SBK1: variants seen among roughly 807,000 people sequenced by gnomAD.
The protein encoded by SBK1 is SH3 domain binding kinase 1.
SBK1 carries 11 observed loss-of-function variants against 24.4 expected under a neutral mutation model. The ratio of observed to expected loss-of-function variants is 0.45; its 90% CI spans 0.28 to 0.75. SBK1 has a LOEUF of 0.75. Ranked by LOEUF, SBK1 falls within the 30% of genes least tolerant of loss-of-function variation. The probability of loss-of-function intolerance (pLI) is 0.12; values close to 1 mark genes in which losing one functional copy is unlikely to be tolerated. For missense variants in SBK1, 467 were observed against 620.5 expected, an observed-to-expected ratio of 0.75 and a Z score of 2.63; for synonymous variants, 308 against 284.4, an observed-to-expected ratio of 1.08 and a Z score of -0.83.
At chr16:28,275,018 T>C (rs1033851761) in intron 1 of SBK1, among the ~76,000 whole-genome samples, 3 of 152,094 alleles carry the variant, frequency 2.0e-5, no homozygotes, top group Admixed American at 2.0e-4. Flanking sequence ...AGAGTTGAGA[T>C]GGTTGTCCTT....
intron 1 of SBK1, among the ~76,000 whole-genome samples, chr16:28,309,393 G>A (rs762841443): frequency 1.3e-5 from 2 of 152,168 alleles, no homozygotes; most frequent in Admixed American, 6.5e-5. Context: ...GAGGACACAC[G>A]CGTTGCTGAG....
In SBK1 at chr16:28,319,804, C is replaced by T. The variant is rs2044825094; in HGVS notation, c.430-272C>T. 6.6e-6 allele frequency among the ~76,000 whole-genome samples: 1 copy of T among 152,032 alleles called. No individual in the cohort carries two copies. The highest frequency in any genetic ancestry group is 1.5e-5 in the Non-Finnish European group (1 of 67,980). On this transcript the variant is annotated intron_variant, in intron 3 of 3. Coordinates refer to ENST00000341901, the MANE Select transcript of SBK1 (RefSeq NM_001024401.3). The surrounding 1 kb of genome is among the most constrained non-coding windows in gnomAD (Gnocchi z 4.0). ...CAGCAGGTGGAGGGCGCCGCGGACC[C>T]CCTCATCAACCTCCTGGAGAGCCGC...
At chr16:28,293,799 A>G (rs2044619534) in intron 1 of SBK1, among the ~76,000 whole-genome samples, 1 of 151,898 alleles carries the variant, frequency 6.6e-6, no homozygotes, top group African/African-American at 2.4e-5. Context: ...AGTGCGGGGA[A>G]GGGGTGTGTT....
At chr16:28,270,887 G>A (rs1044266588) in intron 1 of SBK1, among the ~76,000 whole-genome samples, 11 of 148,202 alleles carry the variant, frequency 7.4e-5, no homozygotes, top group Non-Finnish European at 1.0e-4. Context: ...TTTTTGAGAC[G>A]GAGTCTTGCT....
At position 28,322,873 on chromosome 16, in the gene SBK1, T is replaced by C. The variant is rs2044861984; in HGVS notation, c.*1952T>C. 6.8e-6 allele frequency: 1 copy of C among 146,636 alleles called. No homozygotes were observed. The highest frequency in any genetic ancestry group is 2.0e-4 in the East Asian group (1 of 5,056). 9.1% of individuals were successfully genotyped at this position (146,636 alleles called of 1,614,324 possible). On this transcript the variant is annotated 3_prime_UTR_variant, in exon 4 of 4. Coordinates refer to ENST00000341901, the MANE Select transcript of SBK1 (RefSeq NM_001024401.3). ...TCCTGCAATAACTAGGAATCGAGATTCCACAGTAGACGTCCCTTGCCGTGC... is the reference window on the plus strand; with the variant it reads ...TCCTGCAATAACTAGGAATCGAGATCCCACAGTAGACGTCCCTTGCCGTGC...
chr16:28,274,495 CA>C (rs1392330844), intron 1 of SBK1, among the ~76,000 whole-genome samples: 1 of 151,816 alleles, frequency 6.6e-6, no homozygotes, highest in African/African-American at 2.4e-5. Flanking sequence ...ACTAAAAATA[CA>C]AAAAAATTAG....
rs1282270404 is a variant in SBK1, at chr16:28,320,783, G to A, written c.1137G>A (p.Val379=). ...AVGSVPLPVP[V]PVPVPVPVPV... is the part of the protein sequence containing the mutation. ...GGTCGGTGCCCTTGCCCGTGCCGGT[G>A]CCGGTGCCAGTGCCCGTGCCGGTGC... is the stretch of plus-strand genomic sequence containing the variant. Residue 379 remains valine, a synonymous_variant, in exon 4 of 4, where the codon GTG becomes GTA. Coordinates refer to ENST00000341901, the MANE Select transcript of SBK1 (RefSeq NM_001024401.3). The surrounding 1 kb of genome is among the most constrained non-coding windows in gnomAD (Gnocchi z 8.5). 5 of 1,414,890 alleles carry A rather than the reference G, an allele frequency of 3.5e-6. No individual in the cohort carries two copies. Among genetic ancestry groups the A allele is most frequent in the African/African-American group, 3.1e-5 (2 of 65,490 alleles). The allele number at this position is 1,414,890 out of a possible 1,614,324, so 87.6% of individuals were successfully genotyped here.
At position 28,319,176 on chromosome 16, in the gene SBK1, G is replaced by A. The variant is rs764904981; in HGVS notation, c.408G>A (p.Leu136=). 1 of 1,614,074 alleles carries A rather than the reference G, an allele frequency of 6.2e-7. No individual in the cohort carries two copies. Among genetic ancestry groups the A allele is most frequent in the South Asian group, 1.1e-5 (1 of 91,082 alleles). Residue 136 remains leucine, a synonymous_variant, in exon 3 of 4, where the codon CTG becomes CTA. Transcript: ENST00000341901. The surrounding 1 kb of genome is among the most constrained non-coding windows in gnomAD (Gnocchi z 4.0). The part of the protein sequence containing the change: ...FAQEYAPAGD[L]FDIIPPQVGL... ...AGGAGTACGCACCTGCTGGGGACCT[G>A]TTTGACATCATCCCTCCCCAGGTAC...
rs1028488886 is a variant in SBK1 at position 28,293,067 on chromosome 16, G to C, written c.-241G>C. On this transcript the variant is annotated 5_prime_UTR_variant, in exon 1 of 4. Transcript: ENST00000341901. ...GGGGATCCCAATTCCCCCCAACTCC[G>C]GTACATAGAAATCCCAAATCTAGGC... 7.1e-6 allele frequency: 7 copies of C among 985,770 alleles called. No individual in the cohort carries two copies. In the African/African-American group the frequency reaches 1.2e-4, roughly 17 times the overall value. The allele number at this position is 985,770 out of a possible 1,614,324, so 61.1% of individuals were successfully genotyped here. A position where few individuals can be genotyped will look rare whatever the true frequency, so the allele number is the denominator to read the frequency against.
At chr16:28,279,882 G>A (rs1475827327) in intron 1 of SBK1, among the ~76,000 whole-genome samples, 1 of 151,922 alleles carries the variant, frequency 6.6e-6, no homozygotes, top group Non-Finnish European at 1.5e-5. Context: ...GTAAACTGAA[G>A]CACGGGGGGA....
chr16:28,264,257 G>C (rs1029430394), intron 1 of SBK1, among the ~76,000 whole-genome samples: 2 of 152,182 alleles, frequency 1.3e-5, no homozygotes, highest in African/African-American at 4.8e-5. Flanking sequence ...CATGGGTGAT[G>C]GGCAGATTCG....
At chr16:28,296,723 C>T (rs912826891) in intron 1 of SBK1, among the ~76,000 whole-genome samples, 1 of 152,158 alleles carries the variant, frequency 6.6e-6, no homozygotes, top group Non-Finnish European at 1.5e-5. Context: ...CCATCTTGCA[C>T]TCTTACCCCT....
chr16:28,269,597 G>A (rs111341598), intron 1 of SBK1, among the ~76,000 whole-genome samples: 7,564 of 151,900 alleles, frequency 0.05, 255 homozygotes, highest in Middle Eastern at 0.086. Context: ...GCTGGGTGTG[G>A]TGGCTCATGC....
rs1171694748 is a variant in SBK1, at chr16:28,259,323, G to T, written c.78G>T (p.Gly26=). 2 of 316,592 alleles carry T rather than the reference G, an allele frequency of 6.3e-6. No individual in the cohort carries two copies. Among genetic ancestry groups the T allele is most frequent in the Non-Finnish European group, 9.1e-6 (2 of 218,716 alleles). The allele number at this position is 316,592 out of a possible 1,614,324, so 19.6% of individuals were successfully genotyped here. Residue 26 remains glycine, a synonymous_variant, in exon 1 of 4, where the codon GGG becomes GGT. Transcript: ENST00000671413. The surrounding 1 kb of genome is among the most constrained non-coding windows in gnomAD (Gnocchi z 6.0). ...TGACCCTGGAGCGCCCTGGCTCGGG[G>T]ACTCCTGCCCAGGCTGGCGATGATG...
At chr16:28,263,768 C>T (rs1020678079) in intron 1 of SBK1, among the ~76,000 whole-genome samples, 6 of 152,058 alleles carry the variant, frequency 3.9e-5, no homozygotes, top group Non-Finnish European at 8.8e-5. Context: ...ATAGAGGACG[C>T]CAACGTGGAG....
At chr16:28,285,787 G>A (rs901941036) in intron 1 of SBK1, 11 of 152,234 alleles carry the variant, frequency 7.2e-5, no homozygotes, top group African/African-American at 1.7e-4. Flanking sequence ...GTGTTGGCGC[G>A]AGCCGCCACA....
rs1555535487 is a variant in SBK1 at position 28,260,084 on chromosome 16, T to TGTG, written c.257+582_257+583insGTG. Reference sequence around the variant, plus strand: ...CGAAAATGCATGCATGTGTATTTGCTTGTGTGTGTGTGTGTGTGTGTGTAA... The same window carrying TGTG: ...CGAAAATGCATGCATGTGTATTTGCTGTGTGTGTGTGTGTGTGTGTGTGTGTAA... On this transcript the variant is annotated intron_variant, in intron 1 of 3. Coordinates refer to the SBK1 transcript ENST00000671413. 2.9e-3 allele frequency among the ~76,000 whole-genome samples: 436 copies of TGTG among 149,938 alleles called. 2 individuals are homozygous for TGTG. Among genetic ancestry groups the TGTG allele is most frequent in the African/African-American group, 0.01 (421 of 40,900 alleles).
chr16:28,312,106 C>A (rs1316171148), intron 1 of SBK1, among the ~76,000 whole-genome samples: 2 of 152,210 alleles, frequency 1.3e-5, no homozygotes, highest in Admixed American at 6.5e-5. Context: ...ACTCCACACA[C>A]GTCAGGAAAA....
intron 1 of SBK1, among the ~76,000 whole-genome samples, chr16:28,268,044 G>T (rs1156644328): frequency 6.6e-6 from 1 of 152,116 alleles, no homozygotes; most frequent in Non-Finnish European, 1.5e-5. Context: ...CTACTTGGGG[G>T]GCTGAGGTGG....
Sources: gnomAD v4.1 joint callset for allele counts (sites outside exome capture counted in the v4.1 genomes callset) on GRCh38, gnomAD v4.1.1 for gene constraint, Gnocchi (gnomAD v3.1) non-coding constraint, MANE v1.5 for transcripts, NCBI Gene and HGNC (gene_info 2026-07-23, HGNC 2026-07-21) for gene names.